Variants in CYP27C1 observed in about 807,000 individuals in gnomAD.
CYP27C1 encodes cytochrome P450 family 27 subfamily C member 1.
In CYP27C1, 29 loss-of-function variants were observed where a neutral mutation model predicts 40.6. The observed-to-expected ratio is 0.71, with a 90% CI of 0.53 to 0.97. The LOEUF (loss-of-function observed/expected upper bound fraction) is 0.97, where lower values mean the gene tolerates loss of function less well. CYP27C1 is among the 50% of genes least tolerant of loss of function. The pLI is 0.00. For synonymous variants in CYP27C1, 198 were observed against 186.8 expected (o/e 1.06, Z -0.49); for missense variants, 390 against 485.8 (o/e 0.80, Z 1.85).
rs1682874160 is a variant in CYP27C1 at position 127,195,197 on chromosome 2, G to A, written c.1214+138C>T. 5.9e-6 allele frequency: 6 copies of A among 1,024,790 alleles called. No individual in the cohort carries two copies. In the Admixed American group the frequency reaches 7.3e-5, roughly 12 times the overall value. 63.5% of individuals were successfully genotyped at this position (1,024,790 alleles called of 1,614,324 possible). ...AATGGTCTTTCTGCTATTCTGACAA[G>A]AGCAGAGAAAAAATAACAGTCACGA... On this transcript the variant is annotated intron_variant, in intron 6 of 8. Transcript: ENST00000664447. This position sits in a 1 kb window ranked among gnomAD's most constrained non-coding sequence, Gnocchi z 6.2.
intron 4 of CYP27C1, 146 bp from the exon 5 acceptor site, chr2:127,199,685 T>G: frequency 1.4e-6 from 1 of 729,652 alleles, no homozygotes; most frequent in Non-Finnish European, 2.1e-6. Flanking sequence ...AACGTCAACC[T>G]GGGAGTTTCA....
chr2:127,218,970 G>A lies in CYP27C1; in HGVS notation c.282+1019C>T, dbSNP rs1287019236. Among the ~76,000 whole-genome samples the A allele has an allele frequency of 6.6e-6, 1 of 152,112 alleles. No homozygotes were observed. The highest frequency in any genetic ancestry group is 6.5e-5 in the Admixed American group (1 of 15,278). On this transcript the variant is annotated intron_variant, in intron 1 of 8. Transcript: ENST00000664447. This position sits in a 1 kb window ranked among gnomAD's most constrained non-coding sequence, Gnocchi z 6.0. ...TCCAAGTGGGAAGCGTGCGGAATTC[G>A]CCGGCCCCAACGCCCTAGCGGGTGG...
At chr2:127,211,688 A>C (rs567102660) in intron 1 of CYP27C1, among the ~76,000 whole-genome samples, 21 of 152,218 alleles carry the variant, frequency 1.4e-4, no homozygotes, top group Non-Finnish European at 3.1e-4. Context: ...CCCGGCCTAA[A>C]GCAGTGTTAA....
rs1170349162 is a variant in CYP27C1 at position 127,220,119 on chromosome 2, G to A, written c.152C>T (p.Pro51Leu). ...TCGGCCCCCTCCCGGCGGCGACCCC[G>A]GCCGCCCGGCGCCTTTGTCCTCGGC... ...ARAEDKGAGR[P>L]GSPPGGGRAE... is the part of the protein sequence containing the mutation. The change falls in exon 1 of 9, where the codon CCG becomes CTG. Residue 51 changes from proline (P) to leucine (L), a missense_variant. Pro to Leu is a moderately conservative substitution (Grantham distance 98). Coordinates refer to ENST00000664447, the MANE Select transcript of CYP27C1 (RefSeq NM_001367502.1). The surrounding 1 kb of genome is among the most constrained non-coding windows in gnomAD (Gnocchi z 4.6). 2 of 150,430 alleles carry A rather than the reference G, an allele frequency of 1.3e-5. No individual in the cohort carries two copies. Among genetic ancestry groups the A allele is most frequent in the Non-Finnish European group, 3.0e-5 (2 of 67,576 alleles). The allele number at this position is 150,430 out of a possible 1,614,324, so 9.3% of individuals were successfully genotyped here. A position where few individuals can be genotyped will look rare whatever the true frequency, so the allele number is the denominator to read the frequency against.
At chr2:127,203,319 T>A in intron 3 of CYP27C1, 53 bp downstream of exon 3, 1 of 1,580,024 alleles carries the variant, frequency 6.3e-7, no homozygotes, top group Non-Finnish European at 8.6e-7. Flanking sequence ...CATCTGCAGG[T>A]TTGGGGCAAG....
intron 6 of CYP27C1, 70 bp from the exon 7 acceptor site, chr2:127,193,937 C>T (rs1466749785): frequency 1.3e-6 from 2 of 1,510,380 alleles, no homozygotes; most frequent in African/African-American, 2.8e-5. Context: ...CGTTCAGAAC[C>T]CTGGATATAT....
In CYP27C1 at chr2:127,195,491, GT is replaced by G; in HGVS notation, c.1057del (p.Thr353ProfsTer24). On this transcript the variant is annotated frameshift_variant, in exon 6 of 9. Transcript: ENST00000664447. LOFTEE classifies it high-confidence loss of function. The surrounding 1 kb of genome is among the most constrained non-coding windows in gnomAD (Gnocchi z 6.2). ...CAGGAGGTACACAGTCCAAGACAAG[GT>G]GAAGGACGTCTAAGGAGAGAAAGTG... Reference protein sequence around the residue: ...LLAGVDTTSFTLSWTVYLLAR... With the variant: ...LLAGVDTTSFXLSWTVYLLAR... 6 of 1,614,002 alleles carry G rather than the reference GT, an allele frequency of 3.7e-6. No individual in the cohort carries two copies. The highest frequency in any genetic ancestry group is 5.1e-6 in the Non-Finnish European group (6 of 1,179,962).
intron 8 of CYP27C1, among the ~76,000 whole-genome samples, chr2:127,187,711 C>T (rs763385042): frequency 4.8e-4 from 73 of 152,150 alleles, no homozygotes; most frequent in African/African-American, 1.5e-3. Context: ...GCTTCCATTG[C>T]AGGTCTAGAT....
At chr2:127,204,598 A>AAGCAAGCAAGCAAGCAAGC in intron 2 of CYP27C1, among the ~76,000 whole-genome samples, 1 of 98,266 alleles carries the variant, frequency 1.0e-5, no homozygotes, top group African/African-American at 4.4e-5. Context: ...AGAAAGAAAG[A>AAGCAAGCAAGCAAGCAAGC]AAGAAAGAAA....
intron 2 of CYP27C1, chr2:127,205,671 G>C: frequency 1.0e-6 from 1 of 985,440 alleles, no homozygotes; most frequent in African/African-American, 1.7e-5. Flanking sequence ...CGGAGCCAGC[G>C]TCGCCCCTCC....
chr2:127,198,211 A>ACACACACACACACG (rs1276568709), intron 5 of CYP27C1, among the ~76,000 whole-genome samples: 1 of 151,244 alleles, frequency 6.6e-6, no homozygotes, highest in Non-Finnish European at 1.5e-5. Context: ...ACACACACAC[A>ACACACACACACACG]CACGCACTCA....
intron 1 of CYP27C1, among the ~76,000 whole-genome samples, chr2:127,214,068 G>A (rs1196534518): frequency 2.0e-5 from 3 of 152,020 alleles, no homozygotes; most frequent in African/African-American, 7.2e-5. Context: ...AAAGCTCAAT[G>A]TATAATGTAT....
Position 127,192,399 on chromosome 2 carries a change from T to C in CYP27C1, c.1497+695A>G, listed in dbSNP as rs1184836617. Among the ~76,000 whole-genome samples the C allele has an allele frequency of 3.3e-5, 5 of 152,210 alleles. No individual in the cohort carries two copies. In the East Asian group the frequency reaches 9.6e-4, roughly 29 times the overall value. The stretch of plus-strand genomic sequence containing the variant: ...ATTTTCTCCGCCATTGACTTTACTT[T>C]TATAAAATTTCCTTCAGGTGTTATT... On this transcript the variant is annotated intron_variant, in intron 8 of 8. Transcript: ENST00000664447.
chr2:127,187,234 C>G lies in CYP27C1; in HGVS notation c.*37G>C, dbSNP rs1213397240. The G allele has an allele frequency of 1.3e-6, 2 of 1,540,574 alleles. No homozygotes were observed. The highest frequency in any genetic ancestry group is 1.8e-6 in the Non-Finnish European group (2 of 1,113,798). On this transcript the variant is annotated 3_prime_UTR_variant, in exon 9 of 9. Transcript: ENST00000664447. The stretch of plus-strand genomic sequence containing the variant: ...CAAATACCCACTGTGTGTCGGCGAG[C>G]TGGTCTGCTACATCAGCCCAGGTTT...
At chr2:127,206,503 C>T (rs887854809) in intron 1 of CYP27C1, among the ~76,000 whole-genome samples, 1 of 152,050 alleles carries the variant, frequency 6.6e-6, no homozygotes, top group Non-Finnish European at 1.5e-5. Context: ...AAACAGGGGT[C>T]TCTCAATGTT....
At position 127,196,223 on chromosome 2, in the gene CYP27C1, C is replaced by T. The variant is rs1457073315; in HGVS notation, c.1048-722G>A. 2.0e-5 allele frequency among the ~76,000 whole-genome samples: 3 copies of T among 147,362 alleles called. No homozygotes were observed. The highest frequency in any genetic ancestry group is 2.2e-4 in the South Asian group (1 of 4,564). On this transcript the variant is annotated intron_variant, in intron 5 of 8. Coordinates refer to ENST00000664447, the MANE Select transcript of CYP27C1 (RefSeq NM_001367502.1). The surrounding 1 kb of genome is among the most constrained non-coding windows in gnomAD (Gnocchi z 4.5). ...GACTACAGGCGCTCACCACCACGCC[C>T]GGCTAATTTTTTGTATTTTTAGGAG...
chr2:127,185,688 T>C lies in CYP27C1; in HGVS notation c.*1583A>G, dbSNP rs1251915053. 2 of 152,220 alleles carry C rather than the reference T, an allele frequency of 1.3e-5. No homozygotes were observed. Among genetic ancestry groups the C allele is most frequent in the African/African-American group, 4.8e-5 (2 of 41,452 alleles). The allele number at this position is 152,220 out of a possible 1,614,324, so 9.4% of individuals were successfully genotyped here. Reference sequence around the variant, plus strand: ...AAAATGGTATGTGAAATGGATATTATGTCTATTTACTTAAGGGTTATTTTG... The same window carrying C: ...AAAATGGTATGTGAAATGGATATTACGTCTATTTACTTAAGGGTTATTTTG... On this transcript the variant is annotated 3_prime_UTR_variant, in exon 9 of 9. Coordinates refer to ENST00000664447, the MANE Select transcript of CYP27C1 (RefSeq NM_001367502.1). The surrounding 1 kb of genome is among the most constrained non-coding windows in gnomAD (Gnocchi z 4.9).
In CYP27C1 at chr2:127,193,314, T is replaced by C. The variant is rs1257326093; in HGVS notation, c.1294-17A>G. ...CAGCTGGGTCTGAGGAAATCAGGGA[T>C]GACAGAAAAGGGAAAAGGGGCAGAA... On this transcript the variant is annotated splice_polypyrimidine_tract_variant and intron_variant, in intron 7 of 8. Coordinates refer to ENST00000664447, the MANE Select transcript of CYP27C1 (RefSeq NM_001367502.1). 3 of 1,613,640 alleles carry C rather than the reference T, an allele frequency of 1.9e-6. No individual in the cohort carries two copies. Among genetic ancestry groups the C allele is most frequent in the Non-Finnish European group, 2.5e-6 (3 of 1,179,914 alleles).
At position 127,199,529 on chromosome 2, in the gene CYP27C1, A is replaced by G. The variant is rs758224243; in HGVS notation, c.894T>C (p.His298=). ...WDGLFKFSQI[H]VDNKLRDIQY... ...GTATGTCCCTCAACTTGTTGTCAAC[A>G]TGAATTTGGCCTGTTTGAAAACAGT... Residue 298 remains histidine (H), a synonymous_variant, in exon 5 of 9, where the codon CAT becomes CAC. Coordinates refer to ENST00000664447, the MANE Select transcript of CYP27C1 (RefSeq NM_001367502.1). 2.2e-5 allele frequency: 35 copies of G among 1,613,314 alleles called. No homozygotes were observed. The highest frequency in any genetic ancestry group is 2.9e-5 in the Non-Finnish European group (34 of 1,179,596).
Sources: gnomAD v4.1 joint callset for allele counts (sites outside exome capture counted in the v4.1 genomes callset) on GRCh38, gnomAD v4.1.1 for gene constraint, Gnocchi (gnomAD v3.1) non-coding constraint, MANE v1.5 for transcripts, NCBI Gene and HGNC (gene_info 2026-07-23, HGNC 2026-07-21) for gene names.